Variants in SH3RF2 observed in about 807,000 individuals in gnomAD.
SH3RF2 encodes SH3 domain containing ring finger 2.
Under a neutral mutation model 59.0 loss-of-function variants are expected in SH3RF2, and 43 were observed. That is an observed-to-expected ratio of 0.73 (90% CI 0.57 to 0.94). The LOEUF is 0.94. SH3RF2 is among the 40% of genes least tolerant of loss of function. The pLI is 0.00. For synonymous variants in SH3RF2, 391 were observed against 391.5 expected (o/e 1.00, Z 0.01); for missense variants, 930 against 940.1 (o/e 0.99, Z 0.14).
rs375917913 is a variant in SH3RF2 at position 146,011,608 on chromosome 5, T to C, written c.745-2139T>C. On this transcript the variant is annotated intron_variant, in intron 4 of 9. Transcript: ENST00000359120. Reference sequence around the variant, plus strand: ...AGAAGTCCCTCACATCCCTTGTAAGTTGGATTCCTAGGTATTTTATTCTCT... The same window carrying C: ...AGAAGTCCCTCACATCCCTTGTAAGCTGGATTCCTAGGTATTTTATTCTCT... Among the ~76,000 whole-genome samples the C allele has an allele frequency of 1.1e-4, 17 of 152,300 alleles. No homozygotes were observed. The South Asian group carries it at 3.3e-3, about 30-fold the overall frequency.
intron 2 of SH3RF2, among the ~76,000 whole-genome samples, chr5:145,969,100 C>T (rs182681360): frequency 9.9e-5 from 15 of 152,278 alleles, no homozygotes; most frequent in South Asian, 6.2e-4. Flanking sequence ...ATCAGGGACT[C>T]ATGGCCAAGG....
Position 146,060,000 on chromosome 5 carries a change from T to C in SH3RF2, c.1690T>C (p.Ser564Pro). ...GCCACAGGGGATCCCCTCCTCCCCCTCAGCCGTGGTGGTGGAGATGGGGTC... is the reference window on the plus strand; with the variant it reads ...GCCACAGGGGATCCCCTCCTCCCCCCCAGCCGTGGTGGTGGAGATGGGGTC... ...YQPQGIPSSPSAVVVEMGSKP... is the reference protein window; with the variant it reads ...YQPQGIPSSPPAVVVEMGSKP... The change falls in exon 9 of 10, where the codon TCA (serine) becomes CCA (proline). Residue 564 changes from serine to proline, a missense_variant. Ser to Pro is a moderately conservative substitution (Grantham distance 74). Coordinates refer to ENST00000359120, the MANE Select transcript of SH3RF2 (RefSeq NM_152550.4). The C allele has an allele frequency of 6.3e-7, 1 of 1,597,060 alleles. No homozygotes were observed.
chr5:146,064,782 A>AG (rs1763042399), downstream of SH3RF2, among the ~76,000 whole-genome samples: 1 of 16,690 alleles, frequency 6.0e-5, no homozygotes, highest in East Asian at 1.8e-3. Context: ...AAGGAAAGGA[A>AG]GGAAGGAAGG....
intron 2 of SH3RF2, among the ~76,000 whole-genome samples, chr5:145,969,752 A>G (rs924188890): frequency 6.6e-6 from 1 of 152,008 alleles, no homozygotes; most frequent in Non-Finnish European, 1.5e-5. Context: ...AAAAAAATAA[A>G]GTGTACAAAC....
chr5:145,953,702 C>T (rs114153935), intron 2 of SH3RF2, among the ~76,000 whole-genome samples: 167 of 152,282 alleles, frequency 1.1e-3, no homozygotes, highest in African/African-American at 3.9e-3. Flanking sequence ...GCTCCTCTCC[C>T]TCCTCCTATC....
chr5:145,960,417 A>G (rs1295018198), intron 2 of SH3RF2, among the ~76,000 whole-genome samples: 2 of 152,236 alleles, frequency 1.3e-5, no homozygotes, highest in African/African-American at 4.8e-5. Flanking sequence ...GGCCTAGAAA[A>G]GAAGGAAAGT....
downstream of SH3RF2, among the ~76,000 whole-genome samples, chr5:146,064,304 C>T (rs868629027): frequency 2.0e-5 from 3 of 151,718 alleles, no homozygotes; most frequent in Admixed American, 6.6e-5. Context: ...ACAGAGCCTG[C>T]GATGAAGAAT....
chr5:145,986,278 G>A (rs564836789), intron 2 of SH3RF2, among the ~76,000 whole-genome samples: 11 of 152,280 alleles, frequency 7.2e-5, no homozygotes, highest in Middle Eastern at 3.4e-3. Flanking sequence ...GGAGAAAGCC[G>A]GGGTAGAGCA....
chr5:145,946,848 G>A (rs1467377671), intron 2 of SH3RF2, among the ~76,000 whole-genome samples: 1 of 152,178 alleles, frequency 6.6e-6, no homozygotes, highest in Admixed American at 6.5e-5. Context: ...GAGTTTATGA[G>A]TTGAACTGAC....
intron 9 of SH3RF2, among the ~76,000 whole-genome samples, chr5:146,076,155 T>C (rs971000835): frequency 6.6e-6 from 1 of 152,192 alleles, no homozygotes; most frequent in Non-Finnish European, 1.5e-5. Context: ...TCCTTATTAC[T>C]TCCCTGCCCC....
chr5:145,981,519 C>G lies in SH3RF2; in HGVS notation c.379-18539C>G, dbSNP rs73792783. Among the ~76,000 whole-genome samples, 151 of 152,316 alleles carry G rather than the reference C, an allele frequency of 9.9e-4. 1 individual carries two copies. The highest frequency in any genetic ancestry group is 3.4e-3 in the African/African-American group (142 of 41,566). On this transcript the variant is annotated intron_variant, in intron 2 of 9. Coordinates refer to ENST00000359120, the MANE Select transcript of SH3RF2 (RefSeq NM_152550.4). ...AGGTTCCCCCACACGCACACCTCCT[C>G]TTCCTTTTTCCCATGCAGTTTATTT...
chr5:145,940,731 G>T (rs998290261), intron 2 of SH3RF2, among the ~76,000 whole-genome samples: 1 of 152,176 alleles, frequency 6.6e-6, no homozygotes, highest in African/African-American at 2.4e-5. Flanking sequence ...GTATGACTTT[G>T]GGCAAGCCAC....
chr5:146,027,306 C>T (rs1029889298), intron 5 of SH3RF2, among the ~76,000 whole-genome samples: 2 of 152,216 alleles, frequency 1.3e-5, no homozygotes, highest in Non-Finnish European at 2.9e-5. Flanking sequence ...TGAGGCAGAG[C>T]CAGTCATCTG....
intron 4 of SH3RF2, among the ~76,000 whole-genome samples, chr5:146,013,459 C>T (rs1306714239): frequency 1.3e-5 from 2 of 152,208 alleles, no homozygotes. Context: ...AGGAAGAATA[C>T]TCTCAGCCAG....
At chr5:145,975,928 T>A (rs189705738) in intron 2 of SH3RF2, among the ~76,000 whole-genome samples, 1 of 152,304 alleles carries the variant, frequency 6.6e-6, no homozygotes, top group African/African-American at 2.4e-5. Context: ...ATGGTATCAA[T>A]TGACCAATAA....
At chr5:145,993,173 A>G (rs141640435) in intron 2 of SH3RF2, among the ~76,000 whole-genome samples, 26 of 152,330 alleles carry the variant, frequency 1.7e-4, no homozygotes, top group African/African-American at 5.8e-4. Flanking sequence ...CTTTGACTCT[A>G]TGTCTCACAT....
At chr5:146,053,409 G>C (rs1388742311) in intron 7 of SH3RF2, among the ~76,000 whole-genome samples, 1 of 152,034 alleles carries the variant, frequency 6.6e-6, no homozygotes, top group East Asian at 1.9e-4. Flanking sequence ...CTCCTCTATT[G>C]TGTGTAGTCT....
Position 146,041,963 on chromosome 5 carries a change from G to A in SH3RF2, c.1060-5809G>A, listed in dbSNP as rs1377491783. Among the ~76,000 whole-genome samples, 3 of 152,038 alleles carry A rather than the reference G, an allele frequency of 2.0e-5. No homozygotes were observed. In the East Asian group the frequency reaches 5.8e-4, roughly 29 times the overall value. On this transcript the variant is annotated intron_variant, in intron 5 of 9. Coordinates refer to ENST00000359120, the MANE Select transcript of SH3RF2 (RefSeq NM_152550.4). The stretch of plus-strand genomic sequence containing the variant: ...TAAAAAATAAATAAAATAAAATGTA[G>A]CCCTTCTCTCAACTCTGAGTGAACA...
intron 2 of SH3RF2, among the ~76,000 whole-genome samples, chr5:145,983,972 G>C (rs2149971283): frequency 6.6e-6 from 1 of 152,304 alleles, no homozygotes; most frequent in South Asian, 2.1e-4. Flanking sequence ...GGGTATGTTG[G>C]AGTTCTTTTG....
Sources: allele counts gnomAD v4.1 joint callset (sites outside exome capture counted in the v4.1 genomes callset), GRCh38; gene constraint gnomAD v4.1.1; transcripts MANE v1.5; gene names NCBI Gene and HGNC (gene_info 2026-07-23, HGNC 2026-07-21).